FBXL19: variants seen among roughly 807,000 people sequenced by gnomAD.
FBXL19 encodes F-box and leucine rich repeat protein 19.
A neutral mutation model predicts 71.2 loss-of-function variants in FBXL19; 16 were observed. The ratio of observed to expected loss-of-function variants is 0.22; its 90% CI spans 0.15 to 0.34. FBXL19 has a LOEUF of 0.34. Ranked by LOEUF, FBXL19 falls within the 10% of genes least tolerant of loss-of-function variation. The pLI, the probability that FBXL19 is intolerant of heterozygous loss-of-function variation, is 1.00. For synonymous variants in FBXL19, 447 were observed against 409.4 expected (o/e 1.09, Z -1.11); for missense variants, 658 against 968.2 (o/e 0.68, Z 4.25).
chr16:30,947,675 G>A lies in FBXL19; in HGVS notation c.*445G>A. The A allele has an allele frequency of 3.0e-6, 1 of 330,170 alleles. No homozygotes were observed. 20.5% of individuals were successfully genotyped at this position (330,170 alleles called of 1,614,324 possible). ...GGAACAAAGACCAGTTACTTGGAGT[G>A]GGGGGTGGGGGTGGGGCCACAAAAG... On this transcript the variant is annotated 3_prime_UTR_variant, in exon 11 of 11. Transcript: ENST00000338343.
Position 30,932,770 on chromosome 16 carries a change from A to G in FBXL19, c.1301+2186A>G, listed in dbSNP as rs1028309605. Reference sequence around the variant, plus strand: ...CAGGGGCCTGTGGGGGCACAGCAGGACCACTCAGGAGGCTCTGCGAGGTCT... The same window carrying G: ...CAGGGGCCTGTGGGGGCACAGCAGGGCCACTCAGGAGGCTCTGCGAGGTCT... On this transcript the variant is annotated intron_variant, in intron 7 of 10. Transcript: ENST00000338343. 7.2e-5 allele frequency among the ~76,000 whole-genome samples: 11 copies of G among 151,736 alleles called. No individual in the cohort carries two copies. In the East Asian group the frequency reaches 1.9e-3, roughly 27 times the overall value.
chr16:30,943,716 C>T (rs1225628893), intron 9 of FBXL19, among the ~76,000 whole-genome samples: 3 of 151,950 alleles, frequency 2.0e-5, no homozygotes, highest in South Asian at 2.1e-4. Context: ...TTGTCCAGGC[C>T]GATCTCGAAC....
intron 7 of FBXL19, among the ~76,000 whole-genome samples, chr16:30,938,339 AC>A (rs2055760701): frequency 6.6e-6 from 1 of 151,586 alleles, no homozygotes; most frequent in East Asian, 1.9e-4. Context: ...ACATAGTGAG[AC>A]CCCCATCTCT....
intron 1 of FBXL19, 109 bp downstream of exon 1, chr16:30,924,568 C>G (rs2143298409): frequency 1.5e-6 from 2 of 1,340,122 alleles, no homozygotes; most frequent in African/African-American, 3.1e-5. Context: ...CACCCTCTCT[C>G]TACTCCAAAC....
At chr16:30,928,273 G>A (rs2055625053) in intron 5 of FBXL19, among the ~76,000 whole-genome samples, 194 bp from the exon 6 acceptor site, 1 of 151,996 alleles carries the variant, frequency 6.6e-6, no homozygotes, top group African/African-American at 2.4e-5. Flanking sequence ...AGGGCCTGAG[G>A]GGAGGAAAGA....
intron 5 of FBXL19, among the ~76,000 whole-genome samples, chr16:30,928,202 TA>T (rs1419762385): frequency 6.0e-5 from 9 of 150,940 alleles, no homozygotes; most frequent in Non-Finnish European, 1.3e-4. Context: ...CTGGGTGGGT[TA>T]GGGAGGCAGG....
rs758635419 is a variant in FBXL19, at chr16:30,927,587, G to A, written c.336G>A (p.Glu112=). 3.2e-6 allele frequency: 5 copies of A among 1,559,658 alleles called. No homozygotes were observed. The African/African-American group carries it at 6.8e-5, about 21-fold the overall frequency. ...CCTGCCTACAGATGGGGAAGGCTGA[G>A]GGTGTCATCAATGCAGAGATCCCCA... The part of the protein sequence containing the change: ...HPGCLKMGKA[E]GVINAEIPNC... Residue 112 remains glutamate, a synonymous_variant, in exon 4 of 11, where the codon GAG becomes GAA. Coordinates refer to ENST00000338343, the MANE Select transcript of FBXL19 (RefSeq NM_001382779.1).
intron 9 of FBXL19, among the ~76,000 whole-genome samples, chr16:30,945,662 C>CAAA (rs1026782160): frequency 2.7e-5 from 2 of 72,996 alleles, no homozygotes; most frequent in Non-Finnish European, 5.5e-5. Flanking sequence ...GACTCCATCT[C>CAAA]AAAAAAAAAA....
chr16:30,946,637 T>G lies in FBXL19; in HGVS notation c.1628-93T>G. The G allele has an allele frequency of 8.0e-7, 1 of 1,246,536 alleles. No homozygotes were observed. The highest frequency in any genetic ancestry group is 1.1e-6 in the Non-Finnish European group (1 of 895,534). 77.2% of individuals were successfully genotyped at this position (1,246,536 alleles called of 1,614,324 possible). ...CACAGAGTGCACCAGGTCACTCACT[T>G]ATGTGGGAAGCAGGTGGAGGGCAGA... On this transcript the variant is annotated intron_variant, in intron 9 of 10. Coordinates refer to ENST00000338343, the MANE Select transcript of FBXL19 (RefSeq NM_001382779.1). The surrounding 1 kb of genome is among the most constrained non-coding windows in gnomAD (Gnocchi z 6.7).
rs1334242237 is a variant in FBXL19 at position 30,930,328 on chromosome 16, G to A, written c.1045G>A (p.Gly349Arg). 2 of 1,601,430 alleles carry A rather than the reference G, an allele frequency of 1.2e-6. No homozygotes were observed. Among genetic ancestry groups the A allele is most frequent in the Admixed American group, 1.7e-5 (1 of 59,394 alleles). ...CTCTGGCGAGAAGGAGAACCGTGGG[G>A]GGCGGCGGGCTGTGCGCCCTGGCAG... ...GSSGEKENRG[G>R]RRAVRPGSGG... The change falls in exon 7 of 11, where the codon GGG (glycine) becomes AGG (arginine). Residue 349 changes from glycine to arginine, a missense_variant. Around this residue, in one of 8 missense-constraint regions of FBXL19, gnomAD observed 447 missense variants for 515.4 expected, o/e 0.87. Coordinates refer to ENST00000338343, the MANE Select transcript of FBXL19 (RefSeq NM_001382779.1). This position sits in a 1 kb window ranked among gnomAD's most constrained non-coding sequence, Gnocchi z 8.5.
chr16:30,929,849 C>T (rs555026768), intron 6 of FBXL19, among the ~76,000 whole-genome samples: 51 of 152,320 alleles, frequency 3.3e-4, no homozygotes, highest in Middle Eastern at 3.4e-3. Flanking sequence ...CCACTGCGCC[C>T]GGCTGGAAAT....
chr16:30,927,222 C>G, intron 2 of FBXL19, 86 bp from the exon 3 acceptor site: 1 of 1,400,268 alleles, frequency 7.1e-7, no homozygotes, highest in Non-Finnish European at 9.5e-7. Context: ...GCACCTCATC[C>G]GTCACCTGGC....
At chr16:30,944,223 T>C (rs1283559914) in intron 9 of FBXL19, among the ~76,000 whole-genome samples, 1 of 150,480 alleles carries the variant, frequency 6.6e-6, no homozygotes, top group Non-Finnish European at 1.5e-5. Context: ...TTTTAACTTT[T>C]AAGTTCATGG....
chr16:30,926,026 CTG>C lies in FBXL19; in HGVS notation c.177+97_177+98del, dbSNP rs1491178011. 4 of 1,348,294 alleles carry C rather than the reference CTG, an allele frequency of 3.0e-6. No homozygotes were observed. In the African/African-American group the frequency reaches 6.2e-5, roughly 21 times the overall value. 83.5% of individuals were successfully genotyped at this position (1,348,294 alleles called of 1,614,324 possible). A position where few individuals can be genotyped will look rare whatever the true frequency, so the allele number is the denominator to read the frequency against. ...CCTCCCAGCCTGTACTGTGGAGTGGCTGTTTGTTCACTCGTTCATTTCTTCCC... is the reference window on the plus strand; with the variant it reads ...CCTCCCAGCCTGTACTGTGGAGTGGCTTTGTTCACTCGTTCATTTCTTCCC... On this transcript the variant is annotated intron_variant, in intron 2 of 10. Transcript: ENST00000338343.
chr16:30,938,235 C>A (rs920973695), intron 7 of FBXL19, among the ~76,000 whole-genome samples: 1 of 152,116 alleles, frequency 6.6e-6, no homozygotes, highest in Non-Finnish European at 1.5e-5. Context: ...CACACCAGGG[C>A]TGGGCCCAGT....
intron 7 of FBXL19, among the ~76,000 whole-genome samples, chr16:30,935,990 C>T (rs1313619869): frequency 6.6e-6 from 1 of 152,192 alleles, no homozygotes; most frequent in Non-Finnish European, 1.5e-5. Context: ...AGACGCCCAC[C>T]ATCGCAGTCC....
At chr16:30,924,589 C>A (rs550547781) in intron 1 of FBXL19, 130 bp downstream of exon 1, 1 of 1,354,696 alleles carries the variant, frequency 7.4e-7, no homozygotes, top group East Asian at 3.1e-5. Context: ...TCATCTCCAG[C>A]CCTCCTTCCT....
chr16:30,930,355 G>C lies in FBXL19; in HGVS notation c.1072G>C (p.Gly358Arg), dbSNP rs750590134. ...GCGGCGGGCTGTGCGCCCTGGCAGT[G>C]GGGGGCCCCTACTCAGCTGGCCCCT... ...GGRRAVRPGSGGPLLSWPLGP... is the reference protein window; with the variant it reads ...GGRRAVRPGSRGPLLSWPLGP... Residue 358 changes from glycine to arginine, a missense_variant, in exon 7 of 11, where the codon GGG becomes CGG. Gly to Arg is a moderately radical substitution (Grantham distance 125). Transcript: ENST00000338343. The surrounding 1 kb of genome is among the most constrained non-coding windows in gnomAD (Gnocchi z 8.5). The C allele has an allele frequency of 1.3e-6, 2 of 1,575,830 alleles. No homozygotes were observed. Among genetic ancestry groups the C allele is most frequent in the Non-Finnish European group, 1.7e-6 (2 of 1,164,212 alleles).
chr16:30,945,497 T>TA (rs1376013219), intron 9 of FBXL19, among the ~76,000 whole-genome samples: 4 of 151,000 alleles, frequency 2.6e-5, no homozygotes, highest in African/African-American at 9.8e-5. Flanking sequence ...CCATCTCTAC[T>TA]AAAAAAATAC....
Sources: allele counts gnomAD v4.1 joint callset (sites outside exome capture counted in the v4.1 genomes callset), GRCh38; gene constraint gnomAD v4.1.1; regional missense constraint gnomAD v4.1.1; non-coding constraint Gnocchi (gnomAD v3.1); transcripts MANE v1.5; gene names NCBI Gene and HGNC (gene_info 2026-07-23, HGNC 2026-07-21).